The following GCNT1 variants were observed in gnomAD, a reference collection of about 807,000 sequenced individuals.
GCNT1 encodes glucosaminyl (N-acetyl) transferase 1, also known as beta-1,3-galactosyl-O-glycosyl-glycoprotein beta-1,6-N-acetylglucosaminyltransferase.
Under a neutral mutation model 26.2 loss-of-function variants are expected in GCNT1, and 16 were observed. That is an observed-to-expected ratio of 0.61 (90% CI 0.41 to 0.93). The LOEUF (loss-of-function observed/expected upper bound fraction) is 0.93. Among genes scored for constraint, GCNT1 ranks in the 40% least tolerant of loss-of-function variants. The pLI, the probability that GCNT1 is intolerant of heterozygous loss-of-function variation, is 0.00. For missense variants in GCNT1, 477 were observed against 526.7 expected, an observed-to-expected ratio of 0.91 and a Z score of 0.92; for synonymous variants, 183 against 190.8, an observed-to-expected ratio of 0.96 and a Z score of 0.34.
At chr9:76,466,724 C>T (rs972010784) in intron 2 of GCNT1, among the ~76,000 whole-genome samples, 5 of 151,792 alleles carry the variant, frequency 3.3e-5, no homozygotes, top group Non-Finnish European at 5.9e-5. Flanking sequence ...GATGGAAGGA[C>T]GGAGGGAGAG....
In GCNT1 at chr9:76,433,698, G is replaced by C. The variant is rs1026369132; in HGVS notation, n.38+13811G>C. On this transcript the variant is annotated intron_variant and non_coding_transcript_variant, in intron 1 of 3. Transcript: ENST00000488136. ...GTGGGCAGGGTGCCTCTTGCAGGGA[G>C]CCCTGGGCTGAGGGAAGCCTGGGCA... is the stretch of plus-strand genomic sequence containing the variant. Among the ~76,000 whole-genome samples, 13 of 152,340 alleles carry C rather than the reference G, an allele frequency of 8.5e-5. No individual in the cohort carries two copies. The East Asian group carries it at 1.5e-3, about 18-fold the overall frequency.
At chr9:76,451,948 C>CTTTTTTTTTTTTTTTTTTT (rs747978017) in intron 1 of GCNT1, among the ~76,000 whole-genome samples, 7 of 98,356 alleles carry the variant, frequency 7.1e-5, no homozygotes, top group East Asian at 2.4e-4. Context: ...TTCTTTCTTT[C>CTTTTTTTTTTTTTTTTTTT]TTTTTTTTTT....
intron 1 of GCNT1, among the ~76,000 whole-genome samples, chr9:76,447,830 G>A (rs1273358182): frequency 6.6e-6 from 1 of 152,184 alleles, no homozygotes; most frequent in Non-Finnish European, 1.5e-5. Flanking sequence ...TCTTTAGCAT[G>A]TCAGTCCACA....
At chr9:76,432,312 A>G (rs1042185156) in intron 1 of GCNT1, among the ~76,000 whole-genome samples, 9 of 152,082 alleles carry the variant, frequency 5.9e-5, no homozygotes, top group Non-Finnish European at 8.8e-5. Context: ...ATTGAGTCTT[A>G]AAATGTCTAA....
chr9:76,498,136 G>T (rs1219489526), intron 2 of GCNT1, among the ~76,000 whole-genome samples: 1 of 152,104 alleles, frequency 6.6e-6, no homozygotes, highest in Non-Finnish European at 1.5e-5. Flanking sequence ...ACATTGTATG[G>T]AACTTGTGTG....
At chr9:76,455,092 C>T (rs544725866), upstream of GCNT1, among the ~76,000 whole-genome samples, 11 of 152,114 alleles carry the variant, frequency 7.2e-5, 1 homozygote, top group Admixed American at 1.3e-4. Flanking sequence ...GTGATTCGCC[C>T]GCCTCAGCCT....
At chr9:76,397,516 T>G in the GCNT1 span, among the ~76,000 whole-genome samples, 1 of 151,136 alleles carries the variant, frequency 6.6e-6, no homozygotes, top group African/African-American at 2.4e-5. Flanking sequence ...CAATCTCGGC[T>G]CACTGCAACC....
intron 2 of GCNT1, among the ~76,000 whole-genome samples, chr9:76,490,504 C>T (rs1291326105): frequency 6.6e-6 from 1 of 152,160 alleles, no homozygotes; most frequent in Non-Finnish European, 1.5e-5. Context: ...GGGGCACTGA[C>T]AAGGTCTGAT....
chr9:76,420,793 G>T (rs1823179621), intron 1 of GCNT1, among the ~76,000 whole-genome samples: 2 of 152,010 alleles, frequency 1.3e-5, no homozygotes, highest in Non-Finnish European at 2.9e-5. Context: ...TAAAAAAATA[G>T]CCAGGCTTGG....
At chr9:76,440,787 C>A (rs185031384), upstream of GCNT1, among the ~76,000 whole-genome samples, 1 of 152,006 alleles carries the variant, frequency 6.6e-6, no homozygotes, top group Non-Finnish European at 1.5e-5. Context: ...CTATGCCTGC[C>A]GGGTGCAGTG....
chr9:76,497,237 G>C (rs1400027836), intron 2 of GCNT1, among the ~76,000 whole-genome samples: 1 of 152,040 alleles, frequency 6.6e-6, no homozygotes, highest in African/African-American at 2.4e-5. Flanking sequence ...TGTAATTTTT[G>C]GTAAAGTTGC....
intron 1 of GCNT1, among the ~76,000 whole-genome samples, chr9:76,423,950 A>T (rs1466122895): frequency 2.0e-5 from 3 of 152,228 alleles, no homozygotes; most frequent in Non-Finnish European, 4.4e-5. Flanking sequence ...AATTTACCAC[A>T]TCAGAACTAT....
At chr9:76,459,050 C>T (rs961547142), upstream of GCNT1, 12 of 152,318 alleles carry the variant, frequency 7.9e-5, no homozygotes, top group African/African-American at 2.9e-4. Flanking sequence ...CAGAGGGCGC[C>T]CTCGCCTGTA....
chr9:76,398,366 G>A, the GCNT1 span, among the ~76,000 whole-genome samples: 1 of 152,156 alleles, frequency 6.6e-6, no homozygotes, highest in Admixed American at 6.5e-5. Flanking sequence ...ACAACAATGA[G>A]ATACTACTAT....
At chr9:76,463,745 T>TGAGCTTAG (rs1417658931) in intron 2 of GCNT1, among the ~76,000 whole-genome samples, 21 of 152,210 alleles carry the variant, frequency 1.4e-4, no homozygotes, top group African/African-American at 4.6e-4. Context: ...TATGAGCTTA[T>TGAGCTTAG]GAGCCAAACA....
the GCNT1 span, among the ~76,000 whole-genome samples, chr9:76,400,673 T>C: frequency 6.6e-6 from 1 of 152,160 alleles, no homozygotes; most frequent in African/African-American, 2.4e-5. Context: ...TAAACAGGCT[T>C]CCTAGCATGA....
chr9:76,449,201 T>A (rs1223037614), intron 1 of GCNT1, among the ~76,000 whole-genome samples: 1 of 151,760 alleles, frequency 6.6e-6, no homozygotes, highest in Non-Finnish European at 1.5e-5. Flanking sequence ...GGCGGGGTAG[T>A]GTGTACCTGT....
At chr9:76,500,439 T>C (rs556638322) in intron 2 of GCNT1, among the ~76,000 whole-genome samples, 1 of 152,208 alleles carries the variant, frequency 6.6e-6, no homozygotes, top group Non-Finnish European at 1.5e-5. Context: ...GAAATTCTTA[T>C]GTTTTGTTAC....
At chr9:76,411,742 C>T in the GCNT1 span, among the ~76,000 whole-genome samples, 1 of 132,640 alleles carries the variant, frequency 7.5e-6, no homozygotes, top group South Asian at 2.3e-4. Context: ...TGCTCTGTGG[C>T]CCAGGCTGGA....
Sources: allele counts gnomAD v4.1 joint callset (sites outside exome capture counted in the v4.1 genomes callset), GRCh38; gene constraint gnomAD v4.1.1; transcripts MANE v1.5; gene names NCBI Gene and HGNC (gene_info 2026-07-23, HGNC 2026-07-21).